Variants in GRAMD1C observed in about 807,000 individuals in gnomAD.
The protein encoded by GRAMD1C is protein Aster-C.
Under a neutral mutation model 97.8 loss-of-function variants are expected in GRAMD1C, and 89 were observed. The observed-to-expected ratio is 0.91, with a 90% CI of 0.77 to 1.09. The LOEUF is 1.09. Ranked by LOEUF, GRAMD1C falls within the 50% of genes least tolerant of loss-of-function variation. The pLI is 0.00. For missense variants in GRAMD1C, 740 were observed against 766.4 expected (o/e 0.97, Z 0.41); for synonymous variants, 256 against 267.0 (o/e 0.96, Z 0.40).
chr3:113,881,279 C>T (rs1400866133), intron 5 of GRAMD1C, among the ~76,000 whole-genome samples: 4 of 152,158 alleles, frequency 2.6e-5, no homozygotes, highest in African/African-American at 4.8e-5. Context: ...CTCAGCCTCC[C>T]GAGAAGCTGG....
intron 1 of GRAMD1C, among the ~76,000 whole-genome samples, chr3:113,843,921 ATCTT>A (rs1399537343): frequency 3.3e-5 from 5 of 152,206 alleles, no homozygotes; most frequent in Non-Finnish European, 5.9e-5. Flanking sequence ...GTATATGTCT[ATCTT>A]CTTTCCTACT....
intron 2 of GRAMD1C, among the ~76,000 whole-genome samples, chr3:113,851,819 A>C (rs1260587920): frequency 2.0e-5 from 3 of 151,958 alleles, no homozygotes; most frequent in African/African-American, 7.3e-5. Flanking sequence ...TGCCTGGCCA[A>C]GTTTTCTTTA....
At chr3:113,887,820 A>C (rs1246103030) in intron 6 of GRAMD1C, among the ~76,000 whole-genome samples, 1 of 151,974 alleles carries the variant, frequency 6.6e-6, no homozygotes, top group Non-Finnish European at 1.5e-5. Context: ...CAATACTACT[A>C]ACCTTATAAA....
intron 10 of GRAMD1C, among the ~76,000 whole-genome samples, chr3:113,922,481 A>G (rs933534523): frequency 6.6e-6 from 1 of 152,194 alleles, no homozygotes; most frequent in African/African-American, 2.4e-5. Flanking sequence ...GCTAGTTTCA[A>G]TCTTCTGCAT....
At chr3:113,871,496 C>T (rs942632617) in intron 3 of GRAMD1C, among the ~76,000 whole-genome samples, 1 of 151,354 alleles carries the variant, frequency 6.6e-6, no homozygotes, top group Middle Eastern at 3.2e-3. Context: ...AGTGAGACCT[C>T]ATCTCTACAG....
At chr3:113,842,385 T>C (rs1933369201) in intron 1 of GRAMD1C, among the ~76,000 whole-genome samples, 1 of 152,242 alleles carries the variant, frequency 6.6e-6, no homozygotes, top group Admixed American at 6.5e-5. Context: ...TTATCTTTTA[T>C]CCTGTAAATT....
chr3:113,899,142 A>G lies in GRAMD1C; in HGVS notation c.541-1889A>G, dbSNP rs181969407. Among the ~76,000 whole-genome samples the G allele has an allele frequency of 4.2e-3, 632 of 152,256 alleles. 11 individuals are homozygous for G. The highest frequency in any genetic ancestry group is 0.032 in the South Asian group (154 of 4,818). ...TCTATATTTATCTCTACTATTTCGC[A>G]ACTTAAAATTTTTATTTCAGTTAGG... On this transcript the variant is annotated intron_variant, in intron 6 of 17. Transcript: ENST00000358160.
At position 113,945,524 on chromosome 3, in the gene GRAMD1C, A is replaced by G. The variant is rs1282660061; in HGVS notation, c.*46A>G. The stretch of plus-strand genomic sequence containing the variant: ...GCAGAGATACTTGGAACTTAAAGAA[A>G]ATACCTGGAAGAAAACCAGACGAAT... On this transcript the variant is annotated 3_prime_UTR_variant, in exon 18 of 18. Transcript: ENST00000358160. 1.0e-6 allele frequency: 1 copy of G among 990,820 alleles called. No homozygotes were observed. Among genetic ancestry groups the G allele is most frequent in the Non-Finnish European group, 1.6e-6 (1 of 631,002 alleles). The allele number at this position is 990,820 out of a possible 1,614,324, so 61.4% of individuals were successfully genotyped here.
chr3:113,896,418 G>A (rs773998587), intron 6 of GRAMD1C, among the ~76,000 whole-genome samples: 3 of 152,064 alleles, frequency 2.0e-5, no homozygotes, highest in Non-Finnish European at 2.9e-5. Flanking sequence ...TTCAGTTTTA[G>A]GTTCTGTTTT....
chr3:113,851,650 C>T (rs1933910774), intron 2 of GRAMD1C, among the ~76,000 whole-genome samples: 1 of 150,954 alleles, frequency 6.6e-6, no homozygotes, highest in South Asian at 2.1e-4. Flanking sequence ...TCCTGAGTAG[C>T]TGGGACTACA....
At chr3:113,920,072 T>C (rs1341410016) in intron 10 of GRAMD1C, 3 of 1,098,612 alleles carry the variant, frequency 2.7e-6, no homozygotes, top group South Asian at 2.7e-5. Flanking sequence ...AGACTGAAGG[T>C]ACTTCAAACA....
chr3:113,929,590 G>A (rs1163134417), intron 10 of GRAMD1C, among the ~76,000 whole-genome samples: 1 of 152,134 alleles, frequency 6.6e-6, no homozygotes, highest in Non-Finnish European at 1.5e-5. Context: ...GCTGACATAT[G>A]ACCAAAGTAA....
chr3:113,869,443 A>G (rs1373052333), intron 2 of GRAMD1C, 64 bp from the exon 3 acceptor site: 5 of 804,148 alleles, frequency 6.2e-6, no homozygotes, highest in African/African-American at 1.7e-5. Context: ...ATTCCACTTG[A>G]TATTTATTTT....
At chr3:113,911,879 C>T (rs1305978522) in intron 9 of GRAMD1C, among the ~76,000 whole-genome samples, 7 of 152,064 alleles carry the variant, frequency 4.6e-5, no homozygotes, top group African/African-American at 1.4e-4. Flanking sequence ...AGGTGCCCAC[C>T]ACCATGCCCA....
At chr3:113,843,986 T>A (rs1473205134) in intron 1 of GRAMD1C, among the ~76,000 whole-genome samples, 2 of 152,362 alleles carry the variant, frequency 1.3e-5, no homozygotes, top group Middle Eastern at 3.4e-3. Context: ...ACACTCCCAT[T>A]AAATTGTATT....
At chr3:113,881,151 T>TA (rs1432110517) in intron 5 of GRAMD1C, among the ~76,000 whole-genome samples, 2 of 152,148 alleles carry the variant, frequency 1.3e-5, no homozygotes, top group East Asian at 3.8e-4. Flanking sequence ...TAATTTAATT[T>TA]ATTTATTTAT....
At chr3:113,840,888 G>C (rs1471584682) in intron 1 of GRAMD1C, among the ~76,000 whole-genome samples, 2 of 152,192 alleles carry the variant, frequency 1.3e-5, no homozygotes, top group Non-Finnish European at 2.9e-5. Context: ...TGTTATACTT[G>C]TGCTCCTGGA....
chr3:113,929,057 T>C (rs1937323897), intron 10 of GRAMD1C, among the ~76,000 whole-genome samples: 1 of 152,230 alleles, frequency 6.6e-6, no homozygotes, highest in African/African-American at 2.4e-5. Flanking sequence ...CTATTTTCCA[T>C]ACTGGCTGTA....
At chr3:113,868,447 G>A (rs1934667910) in intron 2 of GRAMD1C, among the ~76,000 whole-genome samples, 1 of 152,086 alleles carries the variant, frequency 6.6e-6, no homozygotes, top group South Asian at 2.1e-4. Context: ...CCTGTCCCAT[G>A]GGTTGTCATT....
Sources: allele counts gnomAD v4.1 joint callset (sites outside exome capture counted in the v4.1 genomes callset), GRCh38; gene constraint gnomAD v4.1.1; transcripts MANE v1.5; gene names NCBI Gene and HGNC (gene_info 2026-07-23, HGNC 2026-07-21).